Variants in PHIP observed in about 807,000 individuals in gnomAD.
The protein encoded by PHIP is PH-interacting protein.
In PHIP, 54 loss-of-function variants were observed where a neutral mutation model predicts 236.8. That is an observed-to-expected ratio of 0.23 (90% CI 0.18 to 0.29). PHIP has a LOEUF of 0.29. Among genes scored for constraint, PHIP ranks in the 10% least tolerant of loss-of-function variants. The pLI, the probability that PHIP is intolerant of heterozygous loss-of-function variation, is 1.00. For synonymous variants in PHIP, 756 were observed against 718.9 expected (o/e 1.05, Z -0.83); for missense variants, 1,370 against 2,190.8 (o/e 0.63, Z 7.48).
intron 7 of PHIP, among the ~76,000 whole-genome samples, chr6:79,038,264 TGTG>T (rs1428598572): frequency 1.3e-5 from 2 of 152,210 alleles, no homozygotes; most frequent in Non-Finnish European, 2.9e-5. Context: ...TGCCAGTAGA[TGTG>T]GTGTCTGGTA....
At chr6:78,942,904 G>T (rs1031659782) in intron 39 of PHIP, among the ~76,000 whole-genome samples, 7 of 152,114 alleles carry the variant, frequency 4.6e-5, no homozygotes, top group African/African-American at 1.7e-4. Context: ...AAAAGGTTAA[G>T]AATGAATGCA....
intron 15 of PHIP, among the ~76,000 whole-genome samples, chr6:79,006,925 A>G (rs1432756569): frequency 1.3e-5 from 2 of 152,078 alleles, no homozygotes; most frequent in Non-Finnish European, 2.9e-5. Context: ...AACTTCAAAA[A>G]GAATAAGAGG....
rs748382720 is a variant in PHIP at position 78,940,795 on chromosome 6, C to T, written c.5364G>A (p.Arg1788=). 4 of 1,613,870 alleles carry T rather than the reference C, an allele frequency of 2.5e-6. No individual in the cohort carries two copies. The South Asian group carries it at 3.3e-5, about 13-fold the overall frequency. ...AAGAGGTGTCTTCGAACAACAGCTG[C>T]CTTTGCTCCTCTTCAGAGTCATCCT... ...YNEDDSEEEQ[R]QLLFEDTSLT... is the part of the protein sequence containing the mutation. The change falls in exon 40 of 40, where the codon AGG becomes AGA. Residue 1788 remains arginine (R), a synonymous_variant. Coordinates refer to ENST00000275034, the MANE Select transcript of PHIP (RefSeq NM_017934.7).
intron 7 of PHIP, among the ~76,000 whole-genome samples, chr6:79,033,470 A>C (rs1477475954): frequency 1.3e-5 from 2 of 152,204 alleles, no homozygotes; most frequent in Non-Finnish European, 2.9e-5. Flanking sequence ...CTTCATTAGC[A>C]CTTGTTGCTT....
intron 13 of PHIP, among the ~76,000 whole-genome samples, chr6:79,016,128 T>A (rs1770823063): frequency 6.6e-6 from 1 of 151,900 alleles, no homozygotes; most frequent in Non-Finnish European, 1.5e-5. Flanking sequence ...TTCCCATCCA[T>A]CTGAGATGAC....
chr6:78,969,152 T>C (rs1441030383), intron 27 of PHIP, among the ~76,000 whole-genome samples: 2 of 152,194 alleles, frequency 1.3e-5, no homozygotes, highest in Non-Finnish European at 2.9e-5. Context: ...GCTTCCAAAT[T>C]TTCCTAATTT....
chr6:79,042,806 A>G (rs776512329), intron 7 of PHIP, 37 bp downstream of exon 7: 1 of 1,442,210 alleles, frequency 6.9e-7, no homozygotes, highest in Non-Finnish European at 9.4e-7. Flanking sequence ...CCTCAATTAC[A>G]TATATGAATA....
At chr6:78,946,571 C>T in intron 37 of PHIP, 140 bp downstream of exon 37, 1 of 1,394,076 alleles carries the variant, frequency 7.2e-7, no homozygotes, top group Middle Eastern at 2.6e-4. Context: ...ATTAAAAATC[C>T]TCCACATCAT....
rs1380361214 is a variant in PHIP at position 78,958,848 on chromosome 6, C to T, written c.3657-248G>A. ...GAACACACCATATTAACAAAGGCCT[C>T]TTTTTGGGAGGGAGAACGTCTATAT... On this transcript the variant is annotated intron_variant, in intron 31 of 39. Coordinates refer to ENST00000275034, the MANE Select transcript of PHIP (RefSeq NM_017934.7). 2.0e-5 allele frequency among the ~76,000 whole-genome samples: 3 copies of T among 151,952 alleles called. No homozygotes were observed. The East Asian group carries it at 5.8e-4, about 29-fold the overall frequency.
At chr6:78,991,121 A>C (rs148030786) in intron 19 of PHIP, 136 bp from the exon 20 acceptor site, 1 of 612,246 alleles carries the variant, frequency 1.6e-6, no homozygotes, top group East Asian at 2.8e-5. Context: ...AAAGATTTCT[A>C]AGTTTAATTT....
rs550457086 is a variant in PHIP, at chr6:79,053,110, T to A, written c.439+7368A>T. Among the ~76,000 whole-genome samples, 5 of 152,218 alleles carry A rather than the reference T, an allele frequency of 3.3e-5. No individual in the cohort carries two copies. The East Asian group carries it at 7.7e-4, about 24-fold the overall frequency. On this transcript the variant is annotated intron_variant, in intron 6 of 39. Transcript: ENST00000275034. The stretch of plus-strand genomic sequence containing the variant: ...AGGTGGATCACTTGAGGTCACGAGT[T>A]CGAGACCAGCCTGGCCAACATGGTG...
chr6:79,004,897 T>C (rs954796313), intron 15 of PHIP, among the ~76,000 whole-genome samples: 8 of 152,156 alleles, frequency 5.3e-5, no homozygotes, highest in Middle Eastern at 3.4e-3. Flanking sequence ...ATAACTGATT[T>C]CTCAAGGAAG....
rs1471979828 is a variant in PHIP, at chr6:78,940,290, A to C, written c.*403T>G. 1 of 151,928 alleles carries C rather than the reference A, an allele frequency of 6.6e-6. No individual in the cohort carries two copies. Among genetic ancestry groups the C allele is most frequent in the Admixed American group, 6.6e-5 (1 of 15,244 alleles). The allele number at this position is 151,928 out of a possible 1,614,324, so 9.4% of individuals were successfully genotyped here. On this transcript the variant is annotated 3_prime_UTR_variant, in exon 40 of 40. Coordinates refer to ENST00000275034, the MANE Select transcript of PHIP (RefSeq NM_017934.7). ...TAGAAATGTACCTCACTTGGTCAAA[A>C]ATAATTCATTTTAACATGAAATGCT...
At chr6:79,055,711 A>G (rs986053045) in intron 6 of PHIP, among the ~76,000 whole-genome samples, 4 of 152,214 alleles carry the variant, frequency 2.6e-5, no homozygotes, top group African/African-American at 9.6e-5. Context: ...TCAAAGACCA[A>G]AAGGTTCAAA....
chr6:78,972,347 G>A (rs894970451), intron 24 of PHIP, among the ~76,000 whole-genome samples: 2 of 152,274 alleles, frequency 1.3e-5, no homozygotes, highest in Middle Eastern at 3.4e-3. Flanking sequence ...CTAACAAACA[G>A]AAAGGACATC....
Position 78,954,828 on chromosome 6 carries a change from G to T in PHIP, c.4039C>A (p.Leu1347Ile). 1 of 1,581,248 alleles carries T rather than the reference G, an allele frequency of 6.3e-7. No individual in the cohort carries two copies. Among genetic ancestry groups the T allele is most frequent in the Non-Finnish European group, 8.6e-7 (1 of 1,168,570 alleles). Residue 1347 changes from leucine to isoleucine, a missense_variant, in exon 35 of 40, where the codon CTC (leucine) becomes ATC (isoleucine). This residue lies in a region of PHIP where 125 missense variants were observed against 235.1 expected (regional missense o/e 0.53). Transcript: ENST00000275034. ...AAAATACTTACTGGATATTCAAGGAGATCTACCGGCTGACGGAAAGGCTCT... is the reference window on the plus strand; with the variant it reads ...AAAATACTTACTGGATATTCAAGGATATCTACCGGCTGACGGAAAGGCTCT... ...DSEPFRQPVD[L>I]LEYPDYRDII...
intron 15 of PHIP, among the ~76,000 whole-genome samples, chr6:79,007,412 GT>G (rs1273368451): frequency 6.6e-6 from 1 of 151,956 alleles, no homozygotes; most frequent in Non-Finnish European, 1.5e-5. Context: ...GTTCTGAAAG[GT>G]ATGTTGAAAA....
intron 7 of PHIP, among the ~76,000 whole-genome samples, chr6:79,028,574 T>C (rs542632336): frequency 2.0e-5 from 3 of 152,260 alleles, no homozygotes; most frequent in South Asian, 4.2e-4. Context: ...AGGGATTTGC[T>C]GAGTAAAAAA....
At chr6:78,964,403 T>C (rs1766994440) in intron 29 of PHIP, among the ~76,000 whole-genome samples, 1 of 152,192 alleles carries the variant, frequency 6.6e-6, no homozygotes. Flanking sequence ...ACTCAATTAA[T>C]AAAAGATTAT....
Sources: gnomAD v4.1 joint callset for allele counts (sites outside exome capture counted in the v4.1 genomes callset) on GRCh38, gnomAD v4.1.1 for gene constraint, gnomAD v4.1.1 regional missense constraint, MANE v1.5 for transcripts, NCBI Gene and HGNC (gene_info 2026-07-23, HGNC 2026-07-21) for gene names.